Variants in LIN28B observed in about 807,000 individuals in gnomAD.
LIN28B encodes lin-28 RNA binding posttranscriptional regulator B.
A neutral mutation model predicts 21.9 loss-of-function variants in LIN28B; 5 were observed. That is an observed-to-expected ratio of 0.23 (90% CI 0.12 to 0.48). The LOEUF (loss-of-function observed/expected upper bound fraction) is 0.48, where lower values mean the gene tolerates loss of function less well. Ranked by LOEUF, LIN28B falls within the 20% of genes least tolerant of loss-of-function variation. The probability of loss-of-function intolerance (pLI) is 0.98; values close to 1 mark genes in which losing one functional copy is unlikely to be tolerated. For missense variants in LIN28B, 245 were observed against 310.5 expected (o/e 0.79, Z 1.58); for synonymous variants, 109 against 111.3 (o/e 0.98, Z 0.13).
chr6:105,063,422 G>A (rs1353958616), intron 3 of LIN28B, among the ~76,000 whole-genome samples: 1 of 152,166 alleles, frequency 6.6e-6, no homozygotes, highest in Non-Finnish European at 1.5e-5. Context: ...GATCACTTGA[G>A]GTCAGGAGTT....
In LIN28B at chr6:105,080,453, T is replaced by C. The variant is rs1772522921; in HGVS notation, c.*1670T>C. The C allele has an allele frequency of 6.6e-6, 1 of 152,610 alleles. No individual in the cohort carries two copies. Among genetic ancestry groups the C allele is most frequent in the Non-Finnish European group, 1.5e-5 (1 of 68,034 alleles). The allele number at this position is 152,610 out of a possible 1,614,324, so 9.5% of individuals were successfully genotyped here. A position where few individuals can be genotyped will look rare whatever the true frequency, so the allele number is the denominator to read the frequency against. On this transcript the variant is annotated 3_prime_UTR_variant, in exon 4 of 4. Transcript: ENST00000345080. Reference sequence around the variant, plus strand: ...CCTGTCCTGTCATGGGAGACGTGTATAGTTGCTGCTGTTTCAGCAAACCAC... The same window carrying C: ...CCTGTCCTGTCATGGGAGACGTGTACAGTTGCTGCTGTTTCAGCAAACCAC...
chr6:105,043,928 A>G lies in LIN28B; in HGVS notation c.383+17446A>G, dbSNP rs61261715. Among the ~76,000 whole-genome samples the G allele has an allele frequency of 4.7e-3, 722 of 152,206 alleles. 7 individuals are homozygous for G. The highest frequency in any genetic ancestry group is 0.017 in the African/African-American group (692 of 41,534). On this transcript the variant is annotated intron_variant, in intron 3 of 3. Transcript: ENST00000345080. Reference sequence around the variant, plus strand: ...TGTTGATTTTTAATAGTTTTTCAATATATTCATGGTTTTCAAGGTATGAAA... The same window carrying G: ...TGTTGATTTTTAATAGTTTTTCAATGTATTCATGGTTTTCAAGGTATGAAA...
chr6:104,985,340 G>T (rs1770313080), intron 2 of LIN28B, among the ~76,000 whole-genome samples: 1 of 152,176 alleles, frequency 6.6e-6, no homozygotes, highest in South Asian at 2.1e-4. Flanking sequence ...GAAAGTCAAT[G>T]AAAAACATGA....
chr6:105,053,855 G>T (rs943859229), intron 3 of LIN28B, among the ~76,000 whole-genome samples: 1 of 151,832 alleles, frequency 6.6e-6, no homozygotes, highest in Admixed American at 6.6e-5. Flanking sequence ...GCCTCAGCCT[G>T]CCATATTCAG....
intron 3 of LIN28B, among the ~76,000 whole-genome samples, chr6:105,076,606 C>CTTT (rs999162368): frequency 6.6e-6 from 1 of 151,576 alleles, no homozygotes; most frequent in Non-Finnish European, 1.5e-5. Context: ...TCAGTTAACA[C>CTTT]TTTTTTTGTT....
chr6:104,999,302 A>G (rs969606777), intron 2 of LIN28B, among the ~76,000 whole-genome samples: 24 of 151,862 alleles, frequency 1.6e-4, no homozygotes, highest in Non-Finnish European at 2.9e-5. Context: ...ACCACTTCCA[A>G]CTGATTTTGT....
chr6:105,073,367 C>T (rs1772368357), intron 3 of LIN28B, among the ~76,000 whole-genome samples: 1 of 152,104 alleles, frequency 6.6e-6, no homozygotes, highest in African/African-American at 2.4e-5. Flanking sequence ...TCTTTAGCCC[C>T]TCTGCCTCCC....
chr6:104,997,905 GTCT>G (rs1255559084), intron 2 of LIN28B, among the ~76,000 whole-genome samples: 4 of 151,982 alleles, frequency 2.6e-5, no homozygotes, highest in African/African-American at 7.2e-5. Flanking sequence ...TGATGAGCTT[GTCT>G]TCTTCTACAT....
At chr6:105,068,951 T>C (rs1446017157) in intron 3 of LIN28B, among the ~76,000 whole-genome samples, 1 of 152,200 alleles carries the variant, frequency 6.6e-6, no homozygotes, top group Non-Finnish European at 1.5e-5. Context: ...ATGCAGTGGC[T>C]CACACCTGTA....
chr6:105,023,710 G>T (rs9500015), intron 2 of LIN28B, among the ~76,000 whole-genome samples: 8 of 116,590 alleles, frequency 6.9e-5, no homozygotes, highest in African/African-American at 2.4e-4. Flanking sequence ...CTAATTTGGG[G>T]AGGGGGACAT....
At chr6:104,965,136 C>G (rs1769828614) in intron 2 of LIN28B, among the ~76,000 whole-genome samples, 1 of 152,070 alleles carries the variant, frequency 6.6e-6, no homozygotes, top group African/African-American at 2.4e-5. Context: ...TTAAAATTGG[C>G]CAAAATGTGT....
At chr6:105,075,810 C>T (rs1324587673) in intron 3 of LIN28B, among the ~76,000 whole-genome samples, 1 of 152,172 alleles carries the variant, frequency 6.6e-6, no homozygotes, top group South Asian at 2.1e-4. Flanking sequence ...ACCACGGTGA[C>T]TGATAAAATT....
intron 2 of LIN28B, among the ~76,000 whole-genome samples, chr6:104,944,949 A>G (rs917759636): frequency 6.6e-6 from 1 of 152,118 alleles, no homozygotes; most frequent in Non-Finnish European, 1.5e-5. Context: ...GCCAGTTCTA[A>G]TGGTGGAAAA....
At chr6:104,947,676 AT>A (rs1778171993) in intron 2 of LIN28B, among the ~76,000 whole-genome samples, 1 of 151,328 alleles carries the variant, frequency 6.6e-6, no homozygotes, top group African/African-American at 2.4e-5. Flanking sequence ...TATGTATTTT[AT>A]ATTTGTAATA....
At chr6:104,972,662 C>G (rs1037957906) in intron 2 of LIN28B, among the ~76,000 whole-genome samples, 1 of 151,850 alleles carries the variant, frequency 6.6e-6, no homozygotes, top group African/African-American at 2.4e-5. Flanking sequence ...TTTCTTTCTC[C>G]TAAAATAAAA....
At chr6:104,956,668 G>A (rs1209310842), upstream of LIN28B, among the ~76,000 whole-genome samples, 1 of 152,082 alleles carries the variant, frequency 6.6e-6, no homozygotes, top group Non-Finnish European at 1.5e-5. Context: ...AGCGTTCCAA[G>A]CAGGTTTACT....
intron 2 of LIN28B, among the ~76,000 whole-genome samples, chr6:104,966,835 A>ATGGTCTC (rs746428500): frequency 4.6e-5 from 7 of 152,030 alleles, no homozygotes; most frequent in Non-Finnish European, 1.0e-4. Flanking sequence ...GTTAGCCAGG[A>ATGGTCTC]TGGTCTCAAT....
At chr6:104,947,648 TTG>T (rs1331069160) in intron 2 of LIN28B, among the ~76,000 whole-genome samples, 24 of 151,876 alleles carry the variant, frequency 1.6e-4, no homozygotes, top group African/African-American at 4.1e-4. Flanking sequence ...ATTAAAATAA[TTG>T]GAATTATTTT....
intron 2 of LIN28B, among the ~76,000 whole-genome samples, chr6:105,012,222 C>T (rs1770938689): frequency 6.6e-6 from 1 of 151,662 alleles, no homozygotes; most frequent in Admixed American, 6.6e-5. Context: ...AATCCCAGCA[C>T]TTTGGGAGGC....
Sources: allele counts gnomAD v4.1 joint callset (sites outside exome capture counted in the v4.1 genomes callset), GRCh38; gene constraint gnomAD v4.1.1; transcripts MANE v1.5; gene names NCBI Gene and HGNC (gene_info 2026-07-23, HGNC 2026-07-21).